HPSE2: variants seen among roughly 807,000 people sequenced by gnomAD.
HPSE2 encodes the protein heparanase 2 (inactive).
HPSE2 carries 38 observed loss-of-function variants against 60.5 expected under a neutral mutation model. The observed-to-expected ratio is 0.63, with a 90% CI of 0.48 to 0.82. HPSE2 has a LOEUF of 0.82. Ranked by LOEUF, HPSE2 falls within the 40% of genes least tolerant of loss-of-function variation. The pLI is 0.00. For synonymous variants in HPSE2, 295 were observed against 293.2 expected (o/e 1.01, Z -0.06); for missense variants, 713 against 740.4 (o/e 0.96, Z 0.43).
At chr10:98,688,610 G>A (rs1390196454) in intron 6 of HPSE2, among the ~76,000 whole-genome samples, 1 of 150,752 alleles carries the variant, frequency 6.6e-6, no homozygotes, top group African/African-American at 2.4e-5. Flanking sequence ...TGAGTAGCTG[G>A]GATTACAGGT....
At chr10:99,151,268 A>C (rs1470566291) in intron 2 of HPSE2, among the ~76,000 whole-genome samples, 3 of 152,140 alleles carry the variant, frequency 2.0e-5, no homozygotes, top group Admixed American at 2.0e-4. Flanking sequence ...AGAGAACTTA[A>C]AGATAGGTGA....
intron 3 of HPSE2, among the ~76,000 whole-genome samples, chr10:98,947,384 A>C (rs1247004668): frequency 6.6e-6 from 1 of 152,184 alleles, no homozygotes; most frequent in African/African-American, 2.4e-5. Context: ...AAGGAAGGTG[A>C]AGTATCTAAA....
At chr10:99,257,618 G>A in the HPSE2 span, among the ~76,000 whole-genome samples, 3 of 152,086 alleles carry the variant, frequency 2.0e-5, no homozygotes, top group Admixed American at 2.0e-4. Context: ...ATGACAATGC[G>A]TGCCCGAAAC....
the HPSE2 span, among the ~76,000 whole-genome samples, chr10:99,277,974 G>A: frequency 3.3e-5 from 5 of 151,856 alleles, no homozygotes; most frequent in Middle Eastern, 3.4e-3. Context: ...GTGCGCACCT[G>A]TAATCCCAGC....
chr10:99,152,803 A>G (rs1442356791), intron 2 of HPSE2, among the ~76,000 whole-genome samples: 1 of 152,230 alleles, frequency 6.6e-6, no homozygotes, highest in East Asian at 1.9e-4. Flanking sequence ...TGAGTGACGC[A>G]GAAGACGGGT....
intron 3 of HPSE2, among the ~76,000 whole-genome samples, chr10:99,135,396 A>C (rs887387111): frequency 2.6e-5 from 4 of 152,216 alleles, no homozygotes; most frequent in African/African-American, 9.6e-5. Flanking sequence ...CCAAATCAAC[A>C]GAATATACAT....
intron 2 of HPSE2, among the ~76,000 whole-genome samples, chr10:99,186,129 C>CACACACACACACACACACACACACAT (rs1848007227): frequency 1.4e-5 from 2 of 141,704 alleles, no homozygotes; most frequent in African/African-American, 5.0e-5. Flanking sequence ...CACACACACA[C>CACACACACACACACACACACACACAT]ACACACACAC....
At chr10:98,916,924 T>C (rs1415189992) in intron 3 of HPSE2, among the ~76,000 whole-genome samples, 2 of 152,150 alleles carry the variant, frequency 1.3e-5, no homozygotes, top group Non-Finnish European at 2.9e-5. Context: ...TCAGAACCAT[T>C]TGTTTACCAT....
chr10:98,864,040 C>T (rs1352423960), intron 3 of HPSE2, among the ~76,000 whole-genome samples: 4 of 151,956 alleles, frequency 2.6e-5, no homozygotes, highest in Non-Finnish European at 5.9e-5. Context: ...AATTAAAAAA[C>T]GTCTTCTAAT....
At chr10:99,290,411 CA>C in the HPSE2 span, among the ~76,000 whole-genome samples, 1 of 152,180 alleles carries the variant, frequency 6.6e-6, no homozygotes, top group African/African-American at 2.4e-5. Context: ...TGATGTCAGT[CA>C]TATCTTCCTA....
the HPSE2 span, among the ~76,000 whole-genome samples, chr10:99,242,770 C>G: frequency 1.3e-5 from 2 of 152,282 alleles, no homozygotes; most frequent in Non-Finnish European, 2.9e-5. Flanking sequence ...TTTATCCTTG[C>G]TGAGTCCCAA....
chr10:99,283,690 G>A, the HPSE2 span, among the ~76,000 whole-genome samples: 1 of 152,032 alleles, frequency 6.6e-6, no homozygotes, highest in South Asian at 2.1e-4. Context: ...TGATTTTATA[G>A]GAATAAAAAG....
At chr10:98,735,709 G>A (rs114371593) in intron 4 of HPSE2, among the ~76,000 whole-genome samples, 2,061 of 152,208 alleles carry the variant, frequency 0.014, 39 homozygotes, top group African/African-American at 0.046. Flanking sequence ...GGAGCTTTAC[G>A]ATTTGACTGC....
chr10:98,985,198 C>T (rs1956311269), intron 3 of HPSE2, among the ~76,000 whole-genome samples: 2 of 152,058 alleles, frequency 1.3e-5, no homozygotes, highest in African/African-American at 4.8e-5. Flanking sequence ...GTCAGATTCA[C>T]CAAAGTTGAA....
chr10:99,155,114 T>A (rs1473174599), intron 2 of HPSE2, among the ~76,000 whole-genome samples: 1 of 137,268 alleles, frequency 7.3e-6, no homozygotes, highest in African/African-American at 2.7e-5. Context: ...AAGTCCTGAG[T>A]GACCTACAAA....
chr10:99,294,945 G>T, the HPSE2 span, among the ~76,000 whole-genome samples: 1 of 152,098 alleles, frequency 6.6e-6, no homozygotes, highest in African/African-American at 2.4e-5. Flanking sequence ...AACAGAGTGA[G>T]ACTCAGTCTC....
At chr10:99,035,712 A>G (rs1957594916) in intron 3 of HPSE2, among the ~76,000 whole-genome samples, 1 of 152,252 alleles carries the variant, frequency 6.6e-6, no homozygotes, top group African/African-American at 2.4e-5. Context: ...ATGTTATGAC[A>G]GCTACAATGT....
intron 5 of HPSE2, among the ~76,000 whole-genome samples, chr10:98,718,982 T>C (rs959659979): frequency 6.6e-6 from 1 of 152,178 alleles, no homozygotes; most frequent in African/African-American, 2.4e-5. Context: ...GTCATAAATA[T>C]GTACAACAAA....
intron 7 of HPSE2, among the ~76,000 whole-genome samples, chr10:98,639,042 G>A (rs760002073): frequency 3.3e-5 from 5 of 152,018 alleles, no homozygotes; most frequent in Non-Finnish European, 5.9e-5. Flanking sequence ...ATTTCTTTTC[G>A]CCCTGAAGCT....
Sources: gnomAD v4.1 joint callset for allele counts (sites outside exome capture counted in the v4.1 genomes callset) on GRCh38, gnomAD v4.1.1 for gene constraint, MANE v1.5 for transcripts, NCBI Gene and HGNC (gene_info 2026-07-23, HGNC 2026-07-21) for gene names.